The following CNTN4 variants were observed in gnomAD, a reference collection of about 807,000 sequenced individuals.
CNTN4 encodes contactin-4.
CNTN4 carries 77 observed loss-of-function variants against 122.5 expected under a neutral mutation model. The ratio of observed to expected loss-of-function variants is 0.63; its 90% CI spans 0.52 to 0.76. CNTN4 has a LOEUF of 0.76. CNTN4 is among the 30% of genes least tolerant of loss of function. The pLI is 0.00. For missense variants in CNTN4, 1,256 were observed against 1,259.1 expected, an observed-to-expected ratio of 1.00 and a Z score of 0.04; for synonymous variants, 512 against 447.0, an observed-to-expected ratio of 1.15 and a Z score of -1.83.
intron 3 of CNTN4, among the ~76,000 whole-genome samples, chr3:2,503,362 G>T (rs2076646950): frequency 6.6e-6 from 1 of 152,134 alleles, no homozygotes; most frequent in Non-Finnish European, 1.5e-5. Context: ...CACTGTATCA[G>T]TCTTTCAACG....
At chr3:3,052,714 T>TG (rs1225216940) in intron 23 of CNTN4, among the ~76,000 whole-genome samples, 2 of 152,172 alleles carry the variant, frequency 1.3e-5, no homozygotes, top group Non-Finnish European at 2.9e-5. Context: ...TCAGAACCCA[T>TG]GGGGGGCCCA....
At chr3:2,223,311 T>C (rs915460528) in intron 2 of CNTN4, among the ~76,000 whole-genome samples, 5 of 152,188 alleles carry the variant, frequency 3.3e-5, no homozygotes, top group African/African-American at 9.6e-5. Context: ...ATTACCTTTC[T>C]ATCCCTGCTT....
intron 2 of CNTN4, among the ~76,000 whole-genome samples, chr3:2,135,833 A>G (rs1166199000): frequency 6.6e-6 from 1 of 152,228 alleles, no homozygotes; most frequent in Non-Finnish European, 1.5e-5. Flanking sequence ...AGCGAATTGG[A>G]GAGACTAGAG....
At chr3:2,294,224 A>G (rs930584874) in intron 2 of CNTN4, among the ~76,000 whole-genome samples, 12 of 152,050 alleles carry the variant, frequency 7.9e-5, no homozygotes, top group Non-Finnish European at 1.8e-4. Flanking sequence ...TGAGAAACAG[A>G]CAAAACCTAT....
chr3:2,414,000 C>T (rs2047321353), intron 3 of CNTN4, among the ~76,000 whole-genome samples: 1 of 152,112 alleles, frequency 6.6e-6, no homozygotes, highest in Non-Finnish European at 1.5e-5. Context: ...ATATTGGTGC[C>T]ATTCGTTGAA....
chr3:2,463,809 T>C (rs1263775542), intron 3 of CNTN4, among the ~76,000 whole-genome samples: 2 of 152,086 alleles, frequency 1.3e-5, no homozygotes, highest in Non-Finnish European at 2.9e-5. Context: ...AAAATAGGAA[T>C]GACTTACTTT....
At chr3:2,926,385 T>A (rs1173160368) in intron 13 of CNTN4, among the ~76,000 whole-genome samples, 1 of 152,224 alleles carries the variant, frequency 6.6e-6, no homozygotes, top group East Asian at 1.9e-4. Flanking sequence ...AGAATGCATG[T>A]AGTGTATACA....
At chr3:2,614,732 A>G (rs1168295932) in intron 4 of CNTN4, among the ~76,000 whole-genome samples, 3 of 152,096 alleles carry the variant, frequency 2.0e-5, no homozygotes, top group Non-Finnish European at 2.9e-5. Context: ...TTTTGGTCCT[A>G]TTGAAATAGA....
At chr3:2,980,866 C>T (rs1329996503) in intron 13 of CNTN4, among the ~76,000 whole-genome samples, 6 of 152,118 alleles carry the variant, frequency 3.9e-5, no homozygotes, top group Non-Finnish European at 8.8e-5. Flanking sequence ...TTACATAACT[C>T]GTGGGGAAGC....
At chr3:2,409,272 G>A (rs1266775221) in intron 3 of CNTN4, among the ~76,000 whole-genome samples, 1 of 136,494 alleles carries the variant, frequency 7.3e-6, no homozygotes, top group Non-Finnish European at 1.5e-5. Flanking sequence ...TTTTGAGATA[G>A]TGTCTCGCTC....
intron 13 of CNTN4, among the ~76,000 whole-genome samples, chr3:2,983,011 G>A (rs540982718): frequency 9.9e-4 from 150 of 151,772 alleles, no homozygotes; most frequent in Non-Finnish European, 1.6e-3. Flanking sequence ...TCAGGAGATC[G>A]AGACCATCCT....
chr3:2,558,205 C>A (rs567591109), intron 3 of CNTN4, among the ~76,000 whole-genome samples: 25 of 152,126 alleles, frequency 1.6e-4, no homozygotes, highest in African/African-American at 5.8e-4. Flanking sequence ...TAATATTGTA[C>A]GTAAGTATAG....
chr3:2,659,791 C>G (rs925863782), intron 4 of CNTN4, among the ~76,000 whole-genome samples: 15 of 152,040 alleles, frequency 9.9e-5, no homozygotes, highest in African/African-American at 3.1e-4. Context: ...TGATTGTTTT[C>G]TTTTGATGTG....
At chr3:3,039,976 C>T (rs149629275) in intron 19 of CNTN4, 61 bp from the exon 20 acceptor site, 51 of 1,211,246 alleles carry the variant, frequency 4.2e-5, no homozygotes, top group Admixed American at 2.6e-4. Context: ...GAAACAAAAA[C>T]GATTTTTGCA....
Position 2,385,204 on chromosome 3 carries a change from A to G in CNTN4, c.-89+45971A>G, listed in dbSNP as rs1358955445. Among the ~76,000 whole-genome samples, 1 of 152,228 alleles carries G rather than the reference A, an allele frequency of 6.6e-6. No homozygotes were observed. Among genetic ancestry groups the G allele is most frequent in the African/African-American group, 2.4e-5 (1 of 41,510 alleles). On this transcript the variant is annotated intron_variant, in intron 3 of 24. Transcript: ENST00000418658. The surrounding 1 kb of genome is among the most constrained non-coding windows in gnomAD (Gnocchi z 4.0). ...TTAATCCCAAACTCTTTTTAAAAAT[A>G]ATCTGTCTACTACTCAACTTTCTAC...
At chr3:2,234,149 C>T (rs1001295688) in intron 2 of CNTN4, among the ~76,000 whole-genome samples, 7 of 151,926 alleles carry the variant, frequency 4.6e-5, no homozygotes, top group Admixed American at 2.0e-4. Context: ...GAGGCCAAGG[C>T]GAGTGGATCA....
intron 6 of CNTN4, among the ~76,000 whole-genome samples, chr3:2,762,609 C>T (rs2090640700): frequency 6.6e-6 from 1 of 152,122 alleles, no homozygotes. Flanking sequence ...CGTGTCTTTG[C>T]TATTGTGAAT....
chr3:2,377,697 G>T (rs7622523), intron 3 of CNTN4, among the ~76,000 whole-genome samples: 4 of 152,152 alleles, frequency 2.6e-5, no homozygotes, highest in Non-Finnish European at 5.9e-5. Flanking sequence ...CCTGTGGACC[G>T]CATGTGGCCA....
intron 3 of CNTN4, among the ~76,000 whole-genome samples, chr3:2,429,719 A>C (rs1220342875): frequency 6.6e-6 from 1 of 152,182 alleles, no homozygotes; most frequent in Admixed American, 6.5e-5. Context: ...CTTGAGCTGC[A>C]GTGGGCTCCA....
Sources: allele counts gnomAD v4.1 joint callset (sites outside exome capture counted in the v4.1 genomes callset), GRCh38; gene constraint gnomAD v4.1.1; non-coding constraint Gnocchi (gnomAD v3.1); transcripts MANE v1.5; gene names NCBI Gene and HGNC (gene_info 2026-07-23, HGNC 2026-07-21).